Variants in CHIA observed in about 807,000 individuals in gnomAD.
CHIA encodes the protein chitinase acidic, also known as acidic mammalian chitinase.
Under a neutral mutation model 53.5 loss-of-function variants are expected in CHIA, and 47 were observed. The ratio of observed to expected loss-of-function variants is 0.88; its 90% confidence interval spans 0.70 to 1.12. The LOEUF (loss-of-function observed/expected upper bound fraction) is 1.12, where lower values mean the gene tolerates loss of function less well. CHIA is among the 50% of genes most tolerant of loss of function. CHIA has a pLI of 0.00. For missense variants in CHIA, 652 were observed against 592.2 expected (o/e 1.10, Z -1.05); for synonymous variants, 268 against 222.2 (o/e 1.21, Z -1.83).
chr1:111,293,527 TC>T (rs1368996921), intron 1 of CHIA, among the ~76,000 whole-genome samples: 3 of 152,212 alleles, frequency 2.0e-5, no homozygotes, highest in Non-Finnish European at 4.4e-5. Context: ...TTTCTACCAT[TC>T]CGTGAGTTGC....
At chr1:111,291,215 T>C (rs577321365) in intron 1 of CHIA, among the ~76,000 whole-genome samples, 7 of 152,284 alleles carry the variant, frequency 4.6e-5, no homozygotes, top group Non-Finnish European at 5.9e-5. Flanking sequence ...TGCACACGTA[T>C]GGTTATTGCA....
intron 1 of CHIA, among the ~76,000 whole-genome samples, chr1:111,293,834 C>T (rs971360072): frequency 7.2e-5 from 11 of 152,168 alleles, no homozygotes; most frequent in Non-Finnish European, 1.3e-4. Context: ...AACTCCAGTG[C>T]TTTGAGAGGC....
chr1:111,297,138 T>G (rs995141816), intron 1 of CHIA, among the ~76,000 whole-genome samples: 2 of 152,214 alleles, frequency 1.3e-5, no homozygotes, highest in African/African-American at 4.8e-5. Context: ...GGAACCATGT[T>G]GGAAAACACT....
intron 1 of CHIA, among the ~76,000 whole-genome samples, chr1:111,305,135 A>G (rs778721336): frequency 5.9e-5 from 9 of 152,160 alleles, no homozygotes; most frequent in African/African-American, 1.2e-4. Flanking sequence ...TAAACTTAAG[A>G]TCTTCACAGG....
chr1:111,308,051 A>G (rs1428361689), intron 1 of CHIA, among the ~76,000 whole-genome samples: 1 of 152,248 alleles, frequency 6.6e-6, no homozygotes, highest in African/African-American at 2.4e-5. Context: ...AAGGATACAC[A>G]TGGTCACAGT....
rs41282496 is a variant in CHIA, at chr1:111,312,316, G to T, written c.182G>T (p.Arg61Met). 0.12 allele frequency: 191,858 copies of T among 1,613,384 alleles called. 12,381 individuals are homozygous for T. The highest frequency in any genetic ancestry group is 0.19 in the African/African-American group (14,355 of 74,932). ...CACCTGATCTACGCCTTTGCTGGGAGGCAGAACAACGAGATCACCACCATC... is the reference window on the plus strand; with the variant it reads ...CACCTGATCTACGCCTTTGCTGGGATGCAGAACAACGAGATCACCACCATC... ...CTHLIYAFAG[R>M]QNNEITTIEW... The change falls in exon 4 of 12, where the codon AGG (arginine) becomes ATG (methionine). Residue 61 changes from arginine to methionine, a missense_variant. Arg to Met is a moderately conservative substitution (Grantham distance 91, BLOSUM62 -1). Transcript: ENST00000369740.
Position 111,310,258 on chromosome 1 carries a change from T to C in CHIA, c.-68-142T>C, listed in dbSNP as rs563498861. 3.0e-4 allele frequency: 293 copies of C among 982,840 alleles called. 1 individual carries two copies. The highest frequency in any genetic ancestry group is 7.0e-5 in the Non-Finnish European group (49 of 697,808). The allele number at this position is 982,840 out of a possible 1,614,324, so 60.9% of individuals were successfully genotyped here. A position where few individuals can be genotyped will look rare whatever the true frequency, so the allele number is the denominator to read the frequency against. ...TGTTAGGAGCCATGACATTGTTCTG[T>C]CCTTGTTGGGCAGAGAAGGTGGTGA... On this transcript the variant is annotated intron_variant, in intron 1 of 11. Transcript: ENST00000369740.
At position 111,319,488 on chromosome 1, in the gene CHIA, T is replaced by G; in HGVS notation, c.1177+20T>G. On this transcript the variant is annotated intron_variant, in intron 11 of 11. Transcript: ENST00000369740. Reference sequence around the variant, plus strand: ...GTGCAAGTAAGTGACTGAGGGGGAATGCCCAGGTGTATAAATACCCCTTCT... The same window carrying G: ...GTGCAAGTAAGTGACTGAGGGGGAAGGCCCAGGTGTATAAATACCCCTTCT... 1 of 1,612,260 alleles carries G rather than the reference T, an allele frequency of 6.2e-7. No homozygotes were observed. Among genetic ancestry groups the G allele is most frequent in the Non-Finnish European group, 8.5e-7 (1 of 1,179,374 alleles).
chr1:111,316,038 A>G (rs1007545998), intron 6 of CHIA: 1 of 317,288 alleles, frequency 3.2e-6, no homozygotes, highest in Non-Finnish European at 6.2e-6. Flanking sequence ...AGTAACAAGG[A>G]AAGAGGGTAA....
At chr1:111,299,519 C>T (rs538821208) in intron 1 of CHIA, among the ~76,000 whole-genome samples, 3 of 152,256 alleles carry the variant, frequency 2.0e-5, no homozygotes, top group South Asian at 2.1e-4. Context: ...GCAGAAAAGG[C>T]CTTCCACAAA....
At chr1:111,303,248 T>C (rs1446985049) in intron 1 of CHIA, among the ~76,000 whole-genome samples, 1 of 152,114 alleles carries the variant, frequency 6.6e-6, no homozygotes, top group Non-Finnish European at 1.5e-5. Flanking sequence ...ATATTTATAT[T>C]TAGAGTAATT....
chr1:111,310,428 A>G lies in CHIA; in HGVS notation c.-40A>G. ...CCTTTGTGATAACCACAGAATCAGA[A>G]CATATAAAAAGCTCTGCGGGACTGG... On this transcript the variant is annotated 5_prime_UTR_variant, in exon 2 of 12. Coordinates refer to ENST00000369740, the MANE Select transcript of CHIA (RefSeq NM_201653.4). 1 of 1,611,584 alleles carries G rather than the reference A, an allele frequency of 6.2e-7. No individual in the cohort carries two copies. Among genetic ancestry groups the G allele is most frequent in the Non-Finnish European group, 8.5e-7 (1 of 1,179,298 alleles).
intron 3 of CHIA, 47 bp downstream of exon 3, chr1:111,311,765 A>C: frequency 6.3e-7 from 1 of 1,588,692 alleles, no homozygotes; most frequent in East Asian, 2.2e-5. Flanking sequence ...TATATACGAG[A>C]TAAACCATAC....
At chr1:111,292,075 T>C (rs1371659404) in intron 1 of CHIA, among the ~76,000 whole-genome samples, 3 of 152,216 alleles carry the variant, frequency 2.0e-5, no homozygotes. Context: ...TCACACACAA[T>C]GTTTTGTGTG....
chr1:111,299,769 T>C (rs1263919090), intron 1 of CHIA, among the ~76,000 whole-genome samples: 1 of 152,094 alleles, frequency 6.6e-6, no homozygotes, highest in Non-Finnish European at 1.5e-5. Context: ...AAATAAAGGG[T>C]ATTCAATTAG....
At chr1:111,317,450 T>C (rs1649247482) in intron 6 of CHIA, 1 of 433,754 alleles carries the variant, frequency 2.3e-6, no homozygotes, top group Admixed American at 3.5e-5. Flanking sequence ...ACTAACTCAG[T>C]GTGGGACTTT....
chr1:111,306,096 G>C (rs540264358), intron 1 of CHIA, among the ~76,000 whole-genome samples: 3 of 152,300 alleles, frequency 2.0e-5, no homozygotes, highest in South Asian at 4.1e-4. Context: ...TAAATAACTT[G>C]ACAGGCAACC....
At chr1:111,306,371 T>C (rs886226994) in intron 1 of CHIA, among the ~76,000 whole-genome samples, 9 of 152,124 alleles carry the variant, frequency 5.9e-5, no homozygotes, top group African/African-American at 2.2e-4. Context: ...AGATGGGTTA[T>C]TAAAATTATG....
chr1:111,304,941 T>G (rs1242808536), intron 1 of CHIA, among the ~76,000 whole-genome samples: 1 of 152,186 alleles, frequency 6.6e-6, no homozygotes, highest in African/African-American at 2.4e-5. Flanking sequence ...GTATTTTTTA[T>G]TTTTTAGAGA....
Sources: gnomAD v4.1 joint callset for allele counts (sites outside exome capture counted in the v4.1 genomes callset) on GRCh38, gnomAD v4.1.1 for gene constraint, MANE v1.5 for transcripts, NCBI Gene and HGNC (gene_info 2026-07-23, HGNC 2026-07-21) for gene names.